TIMP3: variants seen among roughly 807,000 people sequenced by gnomAD.
TIMP3 encodes TIMP metallopeptidase inhibitor 3.
TIMP3 carries 11 observed loss-of-function variants against 30.0 expected under a neutral mutation model. That is an observed-to-expected ratio of 0.37 (90% CI 0.23 to 0.61). TIMP3 has a LOEUF of 0.61. TIMP3 is among the 20% of genes least tolerant of loss of function. TIMP3 has a pLI of 0.70. For missense variants in TIMP3, 181 were observed against 276.8 expected (o/e 0.65, Z 2.45); for synonymous variants, 112 against 111.3 (o/e 1.01, Z -0.04).
intron 1 of TIMP3, among the ~76,000 whole-genome samples, chr22:32,813,492 C>CAT (rs2046968875): frequency 2.4e-5 from 1 of 41,310 alleles, no homozygotes; most frequent in Admixed American, 2.5e-4. Context: ...AAGATACACA[C>CAT]ACACACACAC....
intron 1 of TIMP3, among the ~76,000 whole-genome samples, chr22:32,845,775 C>T (rs548431558): frequency 6.6e-6 from 1 of 152,318 alleles, no homozygotes; most frequent in South Asian, 2.1e-4. Context: ...GCTAGACATG[C>T]TGCCAGTTAC....
chr22:32,810,790 G>A (rs975347516), intron 1 of TIMP3, among the ~76,000 whole-genome samples: 3 of 152,158 alleles, frequency 2.0e-5, no homozygotes, highest in South Asian at 2.1e-4. Flanking sequence ...ACTTGGTTTC[G>A]TGACTTGAGG....
rs2047555718 is a variant in TIMP3 at position 32,830,951 on chromosome 22, G to GT, written c.122-18500dup. 2.0e-5 allele frequency among the ~76,000 whole-genome samples: 3 copies of GT among 152,186 alleles called. No homozygotes were observed. In the South Asian group the frequency reaches 6.2e-4, roughly 31 times the overall value. On this transcript the variant is annotated intron_variant, in intron 1 of 4. Transcript: ENST00000266085. ...TTTTGTTTAGCTTTTAAAAAAATGT[G>GT]TGTTTTTTTTTCCCCAACCAGGGGC...
intron 1 of TIMP3, among the ~76,000 whole-genome samples, chr22:32,805,122 C>T (rs1272756791): frequency 1.3e-5 from 2 of 152,150 alleles, no homozygotes; most frequent in African/African-American, 2.4e-5. Context: ...TTCAGAATGC[C>T]AAGCCCTTCT....
At chr22:32,822,896 C>T (rs564395923) in intron 1 of TIMP3, among the ~76,000 whole-genome samples, 316 of 149,020 alleles carry the variant, frequency 2.1e-3, no homozygotes, top group African/African-American at 7.7e-3. Flanking sequence ...GTAACAGAAG[C>T]CAATTTGTTA....
At position 32,857,251 on chromosome 22, in the gene TIMP3, G is replaced by A. The variant is rs1206448756; in HGVS notation, c.207G>A (p.Met69Ile). The A allele has an allele frequency of 1.2e-6, 2 of 1,612,982 alleles. No individual in the cohort carries two copies. The highest frequency in any genetic ancestry group is 2.2e-5 in the East Asian group (1 of 44,850). ...TLVYTIKQMK[M>I]YRGFTKMPHV... ...CATGATGTTCCTTTTGCCCACAGAT[G>A]TACCGAGGCTTCACCAAGATGCCCC... Residue 69 changes from methionine to isoleucine, a missense_variant and splice_region_variant, in exon 3 of 5, where the codon ATG becomes ATA. Around this residue, in one of 3 missense-constraint regions of TIMP3, gnomAD observed 63 missense variants for 133.3 expected, o/e 0.47. Transcript: ENST00000266085.
At position 32,842,048 on chromosome 22, in the gene TIMP3, G is replaced by C. The variant is rs5998645; in HGVS notation, c.122-7404G>C. 1.3e-3 allele frequency among the ~76,000 whole-genome samples: 205 copies of C among 152,204 alleles called. 1 individual carries two copies. The highest frequency in any genetic ancestry group is 4.5e-3 in the African/African-American group (187 of 41,528). On this transcript the variant is annotated intron_variant, in intron 1 of 4. Coordinates refer to ENST00000266085, the MANE Select transcript of TIMP3 (RefSeq NM_000362.5). Reference sequence around the variant, plus strand: ...GACAAGCACTGCTTTGGAGAGGTTAGGGGGGAGGCTGCCTAGGTTATTGCA... The same window carrying C: ...GACAAGCACTGCTTTGGAGAGGTTACGGGGGAGGCTGCCTAGGTTATTGCA...
At chr22:32,820,202 A>G (rs1045400174) in intron 1 of TIMP3, among the ~76,000 whole-genome samples, 2 of 151,812 alleles carry the variant, frequency 1.3e-5, no homozygotes. Flanking sequence ...CCCTCAGGGC[A>G]TGATCACAGG....
chr22:32,824,256 C>T (rs1442068990), intron 1 of TIMP3, among the ~76,000 whole-genome samples: 3 of 134,670 alleles, frequency 2.2e-5, no homozygotes, highest in East Asian at 4.3e-4. Flanking sequence ...CCAGCCTGGG[C>T]GACAGAGCAA....
chr22:32,802,062 G>A lies in TIMP3; in HGVS notation c.61G>A (p.Ala21Thr). 6.3e-7 allele frequency: 1 copy of A among 1,576,226 alleles called. No homozygotes were observed. The highest frequency in any genetic ancestry group is 8.6e-7 in the Non-Finnish European group (1 of 1,165,916). ...LGSWSLGDWG[A>T]EACTCSPSHP... ...CAGCTGGAGCCTGGGGGACTGGGGCGCCGAGGCGTGCACATGCTCGCCCAG... is the reference window on the plus strand; with the variant it reads ...CAGCTGGAGCCTGGGGGACTGGGGCACCGAGGCGTGCACATGCTCGCCCAG... The change falls in exon 1 of 5, where the codon GCC becomes ACC. Residue 21 changes from alanine to threonine, a missense_variant. Ala to Thr is a moderately conservative substitution (Grantham distance 58). Around this residue, in one of 3 missense-constraint regions of TIMP3, gnomAD observed 71 missense variants for 79.7 expected, o/e 0.89. Coordinates refer to ENST00000266085, the MANE Select transcript of TIMP3 (RefSeq NM_000362.5).
chr22:32,806,430 G>A (rs2046738208), intron 1 of TIMP3, among the ~76,000 whole-genome samples: 2 of 152,138 alleles, frequency 1.3e-5, no homozygotes, highest in Non-Finnish European at 2.9e-5. Flanking sequence ...ATTCTCCATC[G>A]CACTTGGCTT....
intron 1 of TIMP3, among the ~76,000 whole-genome samples, chr22:32,841,846 A>G (rs1423149615): frequency 1.3e-5 from 2 of 152,118 alleles, no homozygotes; most frequent in Non-Finnish European, 2.9e-5. Flanking sequence ...CTTAAAATAA[A>G]AATACAATTT....
chr22:32,849,102 G>C (rs1028974727), intron 1 of TIMP3, among the ~76,000 whole-genome samples: 10 of 152,208 alleles, frequency 6.6e-5, no homozygotes, highest in African/African-American at 2.2e-4. Context: ...GACAAGGGAG[G>C]GGGGACAATG....
chr22:32,828,689 A>G (rs1435823181), intron 1 of TIMP3, among the ~76,000 whole-genome samples: 1 of 152,166 alleles, frequency 6.6e-6, no homozygotes, highest in Non-Finnish European at 1.5e-5. Flanking sequence ...AGGTTTCCCA[A>G]TCCAGCGGGA....
At chr22:32,822,669 T>A (rs140913425) in intron 1 of TIMP3, among the ~76,000 whole-genome samples, 36 of 152,344 alleles carry the variant, frequency 2.4e-4, no homozygotes, top group Non-Finnish European at 2.9e-5. Context: ...ACAGTGAAGA[T>A]CTGCACTTCC....
chr22:32,861,520 C>G lies in TIMP3; in HGVS notation c.*2143C>G, dbSNP rs1285325048. ...CTGACCAACCTACACAAGTTCCCTC[C>G]CACAAGTGGACATCAGTGTCTTCTC... On this transcript the variant is annotated 3_prime_UTR_variant, in exon 5 of 5. Coordinates refer to ENST00000266085, the MANE Select transcript of TIMP3 (RefSeq NM_000362.5). 6.6e-6 allele frequency: 1 copy of G among 152,484 alleles called. No homozygotes were observed. The highest frequency in any genetic ancestry group is 1.9e-4 in the East Asian group (1 of 5,184). The allele number at this position is 152,484 out of a possible 1,614,324, so 9.4% of individuals were successfully genotyped here.
At chr22:32,807,358 A>ATATAAATATATATTATG (rs1208153307) in intron 1 of TIMP3, among the ~76,000 whole-genome samples, 5 of 11,028 alleles carry the variant, frequency 4.5e-4, no homozygotes, top group Admixed American at 1.8e-3. Flanking sequence ...AATATATAAT[A>ATATAAATATATATTATG]TATAATATAT....
intron 1 of TIMP3, among the ~76,000 whole-genome samples, chr22:32,843,081 A>AT (rs904384506): frequency 2.3e-4 from 33 of 146,040 alleles, no homozygotes; most frequent in Middle Eastern, 3.6e-3. Context: ...GGGACCTCCC[A>AT]TTTTTTTTTT....
At chr22:32,844,171 A>G (rs1188297213) in intron 1 of TIMP3, among the ~76,000 whole-genome samples, 1 of 152,164 alleles carries the variant, frequency 6.6e-6, no homozygotes, top group Admixed American at 6.5e-5. Context: ...AGGTCGGGGA[A>G]GAAGGGTCTG....
Sources: gnomAD v4.1 joint callset for allele counts (sites outside exome capture counted in the v4.1 genomes callset) on GRCh38, gnomAD v4.1.1 for gene constraint, gnomAD v4.1.1 regional missense constraint, MANE v1.5 for transcripts, NCBI Gene and HGNC (gene_info 2026-07-23, HGNC 2026-07-21) for gene names.